The following ATP13A4 variants were observed in gnomAD, a reference collection of about 807,000 sequenced individuals.
The protein encoded by ATP13A4 is probable cation-transporting ATPase 13A4.
In ATP13A4, 114 loss-of-function variants were observed where a neutral mutation model predicts 142.5. The observed-to-expected ratio is 0.80, with a 90% confidence interval of 0.69 to 0.93. The LOEUF (loss-of-function observed/expected upper bound fraction) is 0.93. Ranked by LOEUF, ATP13A4 falls within the 40% of genes least tolerant of loss-of-function variation. The pLI is 0.00. For synonymous variants in ATP13A4, 488 were observed against 514.8 expected (o/e 0.95, Z 0.70); for missense variants, 1,392 against 1,454.0 (o/e 0.96, Z 0.69).
chr3:193,473,606 G>A (rs1718745584), intron 8 of ATP13A4, among the ~76,000 whole-genome samples: 1 of 152,156 alleles, frequency 6.6e-6, no homozygotes, highest in Admixed American at 6.5e-5. Flanking sequence ...GGAGAAACCT[G>A]GCAGATACCA....
At chr3:193,470,644 A>G (rs1351530654) in intron 9 of ATP13A4, among the ~76,000 whole-genome samples, 1 of 152,246 alleles carries the variant, frequency 6.6e-6, no homozygotes, top group African/African-American at 2.4e-5. Context: ...TTATTATTGT[A>G]TCAAACTTAA....
rs182989226 is a variant in ATP13A4, at chr3:193,402,598, T to C, written c.*54A>G. 2.5e-6 allele frequency: 2 copies of C among 788,062 alleles called. No homozygotes were observed. The highest frequency in any genetic ancestry group is 1.7e-5 in the African/African-American group (1 of 59,342). The allele number at this position is 788,062 out of a possible 1,614,324, so 48.8% of individuals were successfully genotyped here. Reference sequence around the variant, plus strand: ...TCTCATTTCTTAAAATCAATGAAACTGGTCCCTTTTGTCATTGTTTCTCTG... The same window carrying C: ...TCTCATTTCTTAAAATCAATGAAACCGGTCCCTTTTGTCATTGTTTCTCTG... On this transcript the variant is annotated 3_prime_UTR_variant, in exon 30 of 30. Coordinates refer to ENST00000342695, the MANE Select transcript of ATP13A4 (RefSeq NM_032279.4).
At chr3:193,548,520 A>T (rs1723351853) in intron 1 of ATP13A4, among the ~76,000 whole-genome samples, 1 of 152,226 alleles carries the variant, frequency 6.6e-6, no homozygotes, top group Non-Finnish European at 1.5e-5. Flanking sequence ...CTTCCTGAAC[A>T]TTTCAAATGA....
At chr3:193,469,335 A>T (rs1250635115) in intron 9 of ATP13A4, among the ~76,000 whole-genome samples, 1 of 152,218 alleles carries the variant, frequency 6.6e-6, no homozygotes, top group Non-Finnish European at 1.5e-5. Flanking sequence ...TGAGAAATTT[A>T]AAGAATCAGG....
rs949380555 is a variant in ATP13A4, at chr3:193,471,346, T to C, written c.809-353A>G. Among the ~76,000 whole-genome samples, 44 of 152,240 alleles carry C rather than the reference T, an allele frequency of 2.9e-4. 1 individual carries two copies. The highest frequency in any genetic ancestry group is 5.4e-4 in the Non-Finnish European group (37 of 68,002). On this transcript the variant is annotated intron_variant, in intron 8 of 29. Coordinates refer to ENST00000342695, the MANE Select transcript of ATP13A4 (RefSeq NM_032279.4). ...TGGAGCCCAATGCGGGAGAATCACT[T>C]GAGCCTAGCTGTTTGAGACCAACCT...
chr3:193,587,428 A>T (rs995312501), intron 1 of ATP13A4, among the ~76,000 whole-genome samples: 1 of 152,160 alleles, frequency 6.6e-6, no homozygotes, highest in Non-Finnish European at 1.5e-5. Context: ...CCCTCTCATA[A>T]GAATATATTG....
At chr3:193,425,649 CA>C (rs1393642628) in intron 25 of ATP13A4, among the ~76,000 whole-genome samples, 1 of 151,440 alleles carries the variant, frequency 6.6e-6, no homozygotes, top group Non-Finnish European at 1.5e-5. Flanking sequence ...TTTGTAGAAT[CA>C]AAAAAAGTTG....
At chr3:193,539,965 T>TATA (rs1207055537) in intron 1 of ATP13A4, among the ~76,000 whole-genome samples, 1 of 152,180 alleles carries the variant, frequency 6.6e-6, no homozygotes, top group Non-Finnish European at 1.5e-5. Flanking sequence ...TGAGACCTTG[T>TATA]ATAATAGTTC....
intron 26 of ATP13A4, among the ~76,000 whole-genome samples, chr3:193,413,796 A>C (rs1714904070): frequency 6.6e-6 from 1 of 152,198 alleles, no homozygotes; most frequent in Non-Finnish European, 1.5e-5. Flanking sequence ...GATGTTTATC[A>C]AGACAATATA....
intron 8 of ATP13A4, among the ~76,000 whole-genome samples, chr3:193,483,528 G>A (rs950585662): frequency 7.9e-5 from 12 of 152,078 alleles, no homozygotes; most frequent in Non-Finnish European, 1.3e-4. Flanking sequence ...ACAGTGGCGC[G>A]ATCTCGGCTC....
intron 1 of ATP13A4, among the ~76,000 whole-genome samples, chr3:193,546,064 G>A (rs978582856): frequency 6.3e-4 from 93 of 147,920 alleles, no homozygotes; most frequent in African/African-American, 2.1e-3. Flanking sequence ...ATTGAGCCTC[G>A]GTTCAATCCA....
chr3:193,502,385 C>T (rs894563085), intron 3 of ATP13A4, 108 bp downstream of exon 3: 1 of 1,311,232 alleles, frequency 7.6e-7, no homozygotes, highest in Non-Finnish European at 1.1e-6. Context: ...TTTAAATATA[C>T]ACTATCAAAT....
chr3:193,505,735 C>G (rs1300198906), intron 2 of ATP13A4, among the ~76,000 whole-genome samples: 2 of 152,130 alleles, frequency 1.3e-5, no homozygotes, highest in Non-Finnish European at 2.9e-5. Flanking sequence ...AATCACCCAG[C>G]TTTTTAAGGA....
At chr3:193,568,982 T>C (rs144022036) in intron 2 of ATP13A4, among the ~76,000 whole-genome samples, 3 of 152,372 alleles carry the variant, frequency 2.0e-5, no homozygotes, top group East Asian at 3.9e-4. Context: ...AAACAATTTA[T>C]GTAGATACTA....
rs1553842899 is a variant in ATP13A4 at position 193,452,799 on chromosome 3, ATC to A, written c.2027+1300_2027+1301del. ...GTACTATTATTATATATATAATATT[ATC>A]TTATATTAAACAATTACAAAATTGT... On this transcript the variant is annotated intron_variant, in intron 17 of 29. Transcript: ENST00000342695. 1.6e-3 allele frequency among the ~76,000 whole-genome samples: 233 copies of A among 148,692 alleles called. 1 individual carries two copies. Among genetic ancestry groups the A allele is most frequent in the African/African-American group, 5.4e-3 (220 of 40,816 alleles).
At chr3:193,553,780 G>A (rs935838920) in intron 1 of ATP13A4, 4 of 152,232 alleles carry the variant, frequency 2.6e-5, no homozygotes, top group African/African-American at 9.6e-5. Context: ...AAGCAGATTA[G>A]ACTTGAAAGA....
chr3:193,576,765 G>T (rs1724405841), intron 2 of ATP13A4, among the ~76,000 whole-genome samples: 1 of 152,160 alleles, frequency 6.6e-6, no homozygotes, highest in African/African-American at 2.4e-5. Context: ...AAGGGTTGAA[G>T]AACCCGACCT....
At chr3:193,569,015 T>C (rs148671635) in intron 2 of ATP13A4, among the ~76,000 whole-genome samples, 2 of 152,354 alleles carry the variant, frequency 1.3e-5, no homozygotes, top group East Asian at 3.9e-4. Context: ...CTGTGGGCTA[T>C]TCATAGTGAT....
intron 1 of ATP13A4, among the ~76,000 whole-genome samples, chr3:193,517,786 T>C (rs1295489539): frequency 1.3e-5 from 2 of 152,230 alleles, no homozygotes; most frequent in Admixed American, 6.5e-5. Context: ...CCGACTGTTT[T>C]AAATGAATGC....
Sources: gnomAD v4.1 joint callset for allele counts (sites outside exome capture counted in the v4.1 genomes callset) on GRCh38, gnomAD v4.1.1 for gene constraint, MANE v1.5 for transcripts, NCBI Gene and HGNC (gene_info 2026-07-23, HGNC 2026-07-21) for gene names.